MVB12B: variants seen among roughly 807,000 people sequenced by gnomAD.
MVB12B encodes multivesicular body subunit 12B, also known as ESCRT-I complex subunit MVB12B.
MVB12B carries 16 observed loss-of-function variants against 41.6 expected under a neutral mutation model. The observed-to-expected ratio is 0.38, with a 90% CI of 0.26 to 0.58. The LOEUF (loss-of-function observed/expected upper bound fraction) is 0.58, where lower values mean the gene tolerates loss of function less well. MVB12B is among the 20% of genes least tolerant of loss of function. The pLI is 0.62. For missense variants in MVB12B, 274 were observed against 380.2 expected (o/e 0.72, Z 2.32); for synonymous variants, 133 against 139.7 (o/e 0.95, Z 0.34).
In MVB12B at chr9:126,468,013, C is replaced by T. The variant is rs1276109712; in HGVS notation, c.758-13356C>T. On this transcript the variant is annotated intron_variant, in intron 7 of 9. Coordinates refer to ENST00000361171, the MANE Select transcript of MVB12B (RefSeq NM_033446.3). The surrounding 1 kb of genome is among the most constrained non-coding windows in gnomAD (Gnocchi z 4.3). ...ACATATACATATAAGTGTACACACA[C>T]ACAGATGTGCGCTTATGTATCTGTC... Among the ~76,000 whole-genome samples the T allele has an allele frequency of 6.6e-6, 1 of 152,212 alleles. No homozygotes were observed. Among genetic ancestry groups the T allele is most frequent in the Non-Finnish European group, 1.5e-5 (1 of 68,044 alleles).
At chr9:126,415,772 G>T (rs935237468) in intron 6 of MVB12B, among the ~76,000 whole-genome samples, 2 of 152,112 alleles carry the variant, frequency 1.3e-5, no homozygotes, top group Non-Finnish European at 2.9e-5. Flanking sequence ...GGGAAGAAAA[G>T]GTGTGGTGGA....
In MVB12B at chr9:126,376,001, G is replaced by A. The variant is rs1047637914; in HGVS notation, c.205-5063G>A. Reference sequence around the variant, plus strand: ...CATCCACTTTTGTGGAAACACTCAGGACCTCTTTAACACAGAGGCTCCCCC... The same window carrying A: ...CATCCACTTTTGTGGAAACACTCAGAACCTCTTTAACACAGAGGCTCCCCC... On this transcript the variant is annotated intron_variant, in intron 2 of 9. Coordinates refer to ENST00000361171, the MANE Select transcript of MVB12B (RefSeq NM_033446.3). The surrounding 1 kb of genome is among the most constrained non-coding windows in gnomAD (Gnocchi z 4.1). Among the ~76,000 whole-genome samples, 2 of 152,058 alleles carry A rather than the reference G, an allele frequency of 1.3e-5. No individual in the cohort carries two copies. The highest frequency in any genetic ancestry group is 4.8e-5 in the African/African-American group (2 of 41,386).
intron 7 of MVB12B, among the ~76,000 whole-genome samples, chr9:126,448,781 C>A (rs1832839654): frequency 6.6e-6 from 1 of 152,148 alleles, no homozygotes; most frequent in African/African-American, 2.4e-5. Flanking sequence ...TGGTGCTGAA[C>A]CATTCATGAG....
intron 2 of MVB12B, among the ~76,000 whole-genome samples, chr9:126,344,514 G>A (rs576582284): frequency 9.9e-5 from 15 of 152,254 alleles, no homozygotes; most frequent in East Asian, 3.9e-4. Context: ...ACCACATGGC[G>A]CCTTTTTTGT....
chr9:126,442,962 T>C (rs563349939), intron 7 of MVB12B, among the ~76,000 whole-genome samples: 1 of 152,274 alleles, frequency 6.6e-6, no homozygotes, highest in Non-Finnish European at 1.5e-5. Flanking sequence ...TGTAAAAATA[T>C]AAAGTCAGTA....
intron 8 of MVB12B, among the ~76,000 whole-genome samples, chr9:126,483,624 C>T (rs1224817608): frequency 6.6e-6 from 1 of 152,184 alleles, no homozygotes; most frequent in Non-Finnish European, 1.5e-5. Flanking sequence ...CAAACCTTGC[C>T]TGCGTGTTCT....
chr9:126,421,002 G>C (rs1364795315), intron 6 of MVB12B, among the ~76,000 whole-genome samples: 1 of 152,168 alleles, frequency 6.6e-6, no homozygotes, highest in Non-Finnish European at 1.5e-5. Context: ...TTAGGCTCCT[G>C]AGCTATTGCA....
intron 9 of MVB12B, among the ~76,000 whole-genome samples, chr9:126,495,146 C>T (rs143171121): frequency 2.7e-5 from 4 of 146,530 alleles, no homozygotes; most frequent in Admixed American, 2.1e-4. Flanking sequence ...AAGCTGAGAT[C>T]GAGCCACTGC....
chr9:126,430,156 C>T (rs1832292924), intron 7 of MVB12B, among the ~76,000 whole-genome samples: 1 of 152,182 alleles, frequency 6.6e-6, no homozygotes, highest in Non-Finnish European at 1.5e-5. Context: ...TGACTCATCT[C>T]TCCAAAGACC....
chr9:126,346,850 T>G (rs1290903645), intron 2 of MVB12B, among the ~76,000 whole-genome samples: 2 of 152,210 alleles, frequency 1.3e-5, no homozygotes, highest in Non-Finnish European at 2.9e-5. Flanking sequence ...GTTGCCGAAG[T>G]GAAAGGAGCC....
Position 126,376,376 on chromosome 9 carries a change from TGGGC to T in MVB12B, c.205-4687_205-4684del. 7 of 551,212 alleles carry T rather than the reference TGGGC, an allele frequency of 1.3e-5. No individual in the cohort carries two copies. The highest frequency in any genetic ancestry group is 7.7e-5 in the Admixed American group (3 of 39,016). The allele number at this position is 551,212 out of a possible 1,614,324, so 34.1% of individuals were successfully genotyped here. The stretch of plus-strand genomic sequence containing the variant: ...CCTTCAAGCTCCCTTTTTTCTATTT[TGGGC>T]CCTTCTGTCATGTCTGAGCCTGTCC... On this transcript the variant is annotated intron_variant, in intron 2 of 9. Coordinates refer to ENST00000361171, the MANE Select transcript of MVB12B (RefSeq NM_033446.3). The surrounding 1 kb of genome is among the most constrained non-coding windows in gnomAD (Gnocchi z 4.1).
chr9:126,368,093 G>T (rs766071984), intron 2 of MVB12B, among the ~76,000 whole-genome samples: 3 of 152,210 alleles, frequency 2.0e-5, no homozygotes, highest in Non-Finnish European at 4.4e-5. Flanking sequence ...ATGCAACGCC[G>T]ATACTTGGCA....
chr9:126,344,492 T>G (rs778512960), intron 2 of MVB12B, among the ~76,000 whole-genome samples: 27 of 152,206 alleles, frequency 1.8e-4, no homozygotes, highest in Admixed American at 4.6e-4. Flanking sequence ...AGCGCCAGCT[T>G]TCTCCCCTGC....
intron 9 of MVB12B, among the ~76,000 whole-genome samples, chr9:126,489,760 G>C (rs1343035865): frequency 6.6e-6 from 1 of 152,166 alleles, no homozygotes; most frequent in African/African-American, 2.4e-5. Context: ...CCCAGAGCAG[G>C]GGCTTTGCTG....
At chr9:126,496,719 T>C (rs1189387742) in intron 9 of MVB12B, among the ~76,000 whole-genome samples, 1 of 151,930 alleles carries the variant, frequency 6.6e-6, no homozygotes, top group Non-Finnish European at 1.5e-5. Context: ...GAGAGAACCA[T>C]GCAGGGGAAA....
At chr9:126,445,680 G>A (rs568640511) in intron 7 of MVB12B, among the ~76,000 whole-genome samples, 1 of 151,866 alleles carries the variant, frequency 6.6e-6, no homozygotes, top group Non-Finnish European at 1.5e-5. Context: ...CTTTTTTAGA[G>A]ATGGGGGTTC....
At chr9:126,342,749 A>G (rs933658680) in intron 2 of MVB12B, among the ~76,000 whole-genome samples, 9 of 152,168 alleles carry the variant, frequency 5.9e-5, no homozygotes, top group Non-Finnish European at 1.2e-4. Context: ...AGTTCAAGGA[A>G]GGCGGGGAGG....
Position 126,478,380 on chromosome 9 carries a change from TCCAGCACAGCC to T in MVB12B, c.758-2986_758-2976del, listed in dbSNP as rs1833459663. On this transcript the variant is annotated intron_variant, in intron 7 of 9. Transcript: ENST00000361171. This position sits in a 1 kb window ranked among gnomAD's most constrained non-coding sequence, Gnocchi z 4.2. ...TGCATGGGAACAGCAGCCCTCCCTG[TCCAGCACAGCC>T]CCTGAGCCCCCAGGCCCTGCCCCTG... Among the ~76,000 whole-genome samples, 1 of 152,022 alleles carries T rather than the reference TCCAGCACAGCC, an allele frequency of 6.6e-6. No homozygotes were observed. Among genetic ancestry groups the T allele is most frequent in the Non-Finnish European group, 1.5e-5 (1 of 68,008 alleles).
chr9:126,348,399 G>A (rs528682352), intron 2 of MVB12B, among the ~76,000 whole-genome samples: 2 of 152,322 alleles, frequency 1.3e-5, no homozygotes, highest in African/African-American at 4.8e-5. Flanking sequence ...GCATCCACGA[G>A]GTGTGCAGGA....
Sources: allele counts gnomAD v4.1 joint callset (sites outside exome capture counted in the v4.1 genomes callset), GRCh38; gene constraint gnomAD v4.1.1; non-coding constraint Gnocchi (gnomAD v3.1); transcripts MANE v1.5; gene names NCBI Gene and HGNC (gene_info 2026-07-23, HGNC 2026-07-21).